Variants in KCNIP4 observed in about 807,000 individuals in gnomAD.
The protein encoded by KCNIP4 is Kv channel-interacting protein 4.
In KCNIP4, 12 loss-of-function variants were observed where a neutral mutation model predicts 34.0. The observed-to-expected ratio is 0.35, with a 90% CI of 0.23 to 0.57. The LOEUF is 0.57. KCNIP4 is among the 20% of genes least tolerant of loss of function. The probability of loss-of-function intolerance (pLI) is 0.83; values close to 1 mark genes in which losing one functional copy is unlikely to be tolerated. For synonymous variants in KCNIP4, 124 were observed against 102.2 expected, an observed-to-expected ratio of 1.21 and a Z score of -1.29; for missense variants, 238 against 311.7, an observed-to-expected ratio of 0.76 and a Z score of 1.78.
intron 1 of KCNIP4, among the ~76,000 whole-genome samples, chr4:21,734,474 A>G (rs1012064713): frequency 3.3e-5 from 5 of 152,204 alleles, no homozygotes; most frequent in African/African-American, 1.2e-4. Context: ...GATCTACAGG[A>G]AACTTCAGAA....
chr4:20,903,650 T>G (rs1416735877), intron 1 of KCNIP4, among the ~76,000 whole-genome samples: 2 of 152,154 alleles, frequency 1.3e-5, no homozygotes, highest in Non-Finnish European at 2.9e-5. Flanking sequence ...TTAAGTGTAT[T>G]TGATTGATGT....
At chr4:21,167,969 G>C (rs1279362821) in intron 1 of KCNIP4, among the ~76,000 whole-genome samples, 15 of 152,176 alleles carry the variant, frequency 9.9e-5, no homozygotes, top group Admixed American at 9.8e-4. Flanking sequence ...GGCCACCTCA[G>C]TGCCCTCAGG....
intron 1 of KCNIP4, among the ~76,000 whole-genome samples, chr4:21,016,257 G>C (rs1739533049): frequency 6.6e-6 from 1 of 150,556 alleles, no homozygotes; most frequent in African/African-American, 2.4e-5. Context: ...TTTAAGCATG[G>C]TACCTGGCAT....
chr4:21,192,945 AC>A (rs58877713), intron 1 of KCNIP4, among the ~76,000 whole-genome samples: 31 of 146,096 alleles, frequency 2.1e-4, no homozygotes, highest in African/African-American at 7.6e-4. Flanking sequence ...TACTACTACT[AC>A]TACTACTAAT....
chr4:21,416,269 CAA>C (rs1185017991), intron 1 of KCNIP4, among the ~76,000 whole-genome samples: 1 of 152,098 alleles, frequency 6.6e-6, no homozygotes, highest in South Asian at 2.1e-4. Context: ...ATGGAATACA[CAA>C]AGAGTTTCAA....
chr4:21,767,524 A>G (rs1718500765), intron 1 of KCNIP4, among the ~76,000 whole-genome samples: 1 of 152,014 alleles, frequency 6.6e-6, no homozygotes, highest in East Asian at 1.9e-4. Flanking sequence ...CCAATTATGC[A>G]ATACTTTTAG....
At chr4:20,918,389 T>G (rs144062855) in intron 1 of KCNIP4, among the ~76,000 whole-genome samples, 3 of 152,262 alleles carry the variant, frequency 2.0e-5, no homozygotes, top group Non-Finnish European at 4.4e-5. Flanking sequence ...TTAAAAGAAG[T>G]CATGGGTACT....
intron 1 of KCNIP4, among the ~76,000 whole-genome samples, chr4:21,165,449 CAAAAAA>C (rs1161082468): frequency 1.6e-3 from 1 of 618 alleles, no homozygotes; most frequent in African/African-American, 0.014. Context: ...TTGAAAGCAT[CAAAAAA>C]AAAAAAAAAA....
intron 1 of KCNIP4, among the ~76,000 whole-genome samples, chr4:21,924,730 AT>A (rs1243385144): frequency 2.0e-5 from 3 of 152,066 alleles, no homozygotes; most frequent in Non-Finnish European, 4.4e-5. Flanking sequence ...ATTTCAAATA[AT>A]TTTCTCAACA....
intron 1 of KCNIP4, among the ~76,000 whole-genome samples, chr4:21,620,359 G>T (rs889539455): frequency 6.6e-6 from 1 of 152,008 alleles, no homozygotes; most frequent in South Asian, 2.1e-4. Context: ...AAAATTAGCT[G>T]GGCATGATGG....
intron 1 of KCNIP4, among the ~76,000 whole-genome samples, chr4:21,832,898 T>C (rs2109307794): frequency 6.6e-6 from 1 of 151,442 alleles, no homozygotes; most frequent in East Asian, 1.9e-4. Context: ...ATTTCATCCA[T>C]GTCCCTACAA....
intron 1 of KCNIP4, among the ~76,000 whole-genome samples, chr4:21,540,910 C>T (rs1025583404): frequency 6.6e-6 from 1 of 152,040 alleles, no homozygotes; most frequent in African/African-American, 2.4e-5. Context: ...GTGGCTCACG[C>T]CTGTAATCCC....
At chr4:20,742,591 A>G (rs982976870) in intron 5 of KCNIP4, among the ~76,000 whole-genome samples, 1 of 152,170 alleles carries the variant, frequency 6.6e-6, no homozygotes, top group Admixed American at 6.5e-5. Flanking sequence ...ATTTATGGCA[A>G]ACCCACAGCC....
intron 1 of KCNIP4, among the ~76,000 whole-genome samples, chr4:21,641,057 T>G (rs762517468): frequency 3.9e-5 from 6 of 152,192 alleles, no homozygotes; most frequent in Non-Finnish European, 7.3e-5. Context: ...GAGCTGCTCC[T>G]CATGAACTGG....
intron 1 of KCNIP4, among the ~76,000 whole-genome samples, chr4:21,880,163 A>T (rs1332232215): frequency 6.6e-6 from 1 of 152,176 alleles, no homozygotes; most frequent in Non-Finnish European, 1.5e-5. Flanking sequence ...TGGCATGGGG[A>T]GACTTTTGTC....
At chr4:21,689,192 C>T (rs1751050278) in intron 1 of KCNIP4, among the ~76,000 whole-genome samples, 1 of 152,072 alleles carries the variant, frequency 6.6e-6, no homozygotes, top group African/African-American at 2.4e-5. Flanking sequence ...CAATTAAAGG[C>T]AAGTGAGTTT....
intron 1 of KCNIP4, among the ~76,000 whole-genome samples, chr4:21,000,321 G>A (rs565130577): frequency 5.9e-5 from 9 of 151,822 alleles, no homozygotes; most frequent in Non-Finnish European, 1.2e-4. Context: ...AAAAAAGATA[G>A]AGTAATATTT....
At chr4:20,765,887 T>C (rs924457777) in intron 3 of KCNIP4, among the ~76,000 whole-genome samples, 1 of 152,220 alleles carries the variant, frequency 6.6e-6, no homozygotes, top group Non-Finnish European at 1.5e-5. Flanking sequence ...TCTCAGGCCA[T>C]GTGGGGACAC....
intron 1 of KCNIP4, among the ~76,000 whole-genome samples, chr4:21,478,193 C>CA (rs1419919517): frequency 6.6e-6 from 1 of 151,984 alleles, no homozygotes; most frequent in African/African-American, 2.4e-5. Flanking sequence ...TGAACCATTT[C>CA]AAATTAACAC....
Sources: allele counts gnomAD v4.1 joint callset (sites outside exome capture counted in the v4.1 genomes callset), GRCh38; gene constraint gnomAD v4.1.1; transcripts MANE v1.5; gene names NCBI Gene and HGNC (gene_info 2026-07-23, HGNC 2026-07-21).